DLGAP2: variants seen among roughly 807,000 people sequenced by gnomAD.
DLGAP2 encodes the protein DLG associated protein 2, also known as disks large-associated protein 2.
DLGAP2 carries 26 observed loss-of-function variants against 100.3 expected under a neutral mutation model. The ratio of observed to expected loss-of-function variants is 0.26; its 90% CI spans 0.19 to 0.36. The LOEUF is 0.36. Ranked by LOEUF, DLGAP2 falls within the 10% of genes least tolerant of loss-of-function variation. DLGAP2 has a pLI of 1.00. For missense variants in DLGAP2, 1,858 were observed against 1,453.2 expected, an observed-to-expected ratio of 1.28 and a Z score of -4.53; for synonymous variants, 886 against 630.1, an observed-to-expected ratio of 1.41 and a Z score of -6.08.
chr8:1,555,089 T>A (rs367688732), intron 5 of DLGAP2, among the ~76,000 whole-genome samples: 2 of 151,984 alleles, frequency 1.3e-5, no homozygotes, highest in East Asian at 1.9e-4. Flanking sequence ...TCTGGGGCCG[T>A]GAATGGATAG....
intron 1 of DLGAP2, among the ~76,000 whole-genome samples, chr8:893,356 G>T (rs147682280): frequency 3.3e-4 from 51 of 152,320 alleles, no homozygotes; most frequent in African/African-American, 1.2e-3. Flanking sequence ...TTTTGACCCT[G>T]CCAGGATGAC....
intron 8 of DLGAP2, among the ~76,000 whole-genome samples, chr8:1,666,820 G>T (rs1186666145): frequency 6.6e-6 from 1 of 152,180 alleles, no homozygotes; most frequent in African/African-American, 2.4e-5. Context: ...AGTGGATTAG[G>T]AAAATCCACT....
chr8:1,547,274 AGCTGTGCCCGCAGGGAGCT>A (rs1217682305), intron 4 of DLGAP2, among the ~76,000 whole-genome samples: 4 of 152,166 alleles, frequency 2.6e-5, no homozygotes, highest in Admixed American at 2.6e-4. Flanking sequence ...CAAGGAAGGC[AGCTGTGCCCGCAGGGAGCT>A]TGCTGTCCTA....
intron 3 of DLGAP2, among the ~76,000 whole-genome samples, chr8:1,389,964 A>C (rs1796311085): frequency 6.6e-6 from 1 of 152,020 alleles, no homozygotes; most frequent in African/African-American, 2.4e-5. Context: ...TCTCCCTCAC[A>C]CGTGAACAGG....
intron 3 of DLGAP2, among the ~76,000 whole-genome samples, chr8:1,414,428 G>A (rs368720377): frequency 5.9e-5 from 9 of 152,304 alleles, no homozygotes; most frequent in East Asian, 1.9e-4. Context: ...CCATGGAGCC[G>A]GTCAAGTGTG....
At chr8:1,256,185 T>A (rs1163078398) in intron 2 of DLGAP2, among the ~76,000 whole-genome samples, 1 of 127,800 alleles carries the variant, frequency 7.8e-6, no homozygotes, top group African/African-American at 3.0e-5. Flanking sequence ...CCTGCCTGGG[T>A]GCTGTGTGTG....
intron 1 of DLGAP2, among the ~76,000 whole-genome samples, chr8:767,185 T>C (rs1821235788): frequency 6.6e-6 from 1 of 152,094 alleles, no homozygotes; most frequent in East Asian, 1.9e-4. Flanking sequence ...CGCTTCTTCC[T>C]GGATCCTTGT....
In DLGAP2 at chr8:1,549,197, C is replaced by T. The variant is rs768312641; in HGVS notation, c.744C>T (p.Gly248=). The stretch of plus-strand genomic sequence containing the variant: ...TCACCAAGTCGCACTCGCTGGAGGG[C>T]TCCTCCAAAAGCAACGCCAACGGCA... ...KLFTKSHSLE[G]SSKSNANGTK... The change falls in exon 5 of 15, where the codon GGC becomes GGT. Residue 248 remains glycine, a synonymous_variant. Coordinates refer to ENST00000637795, the MANE Select transcript of DLGAP2 (RefSeq NM_001346810.2). 6.9e-6 allele frequency: 11 copies of T among 1,600,950 alleles called. No individual in the cohort carries two copies. Among genetic ancestry groups the T allele is most frequent in the South Asian group, 3.3e-5 (3 of 89,568 alleles).
chr8:1,202,968 G>A (rs1339076353), intron 2 of DLGAP2, among the ~76,000 whole-genome samples: 3 of 152,136 alleles, frequency 2.0e-5, no homozygotes, highest in African/African-American at 7.2e-5. Context: ...GCGACATCAC[G>A]GTTTCCGTGT....
intron 1 of DLGAP2, among the ~76,000 whole-genome samples, chr8:859,753 G>C (rs182486961): frequency 3.3e-5 from 5 of 152,160 alleles, no homozygotes; most frequent in Non-Finnish European, 5.9e-5. Flanking sequence ...TTTTTCTCCA[G>C]GGCCTTGGTT....
At chr8:1,043,562 G>C (rs1802434261) in intron 2 of DLGAP2, among the ~76,000 whole-genome samples, 1 of 152,020 alleles carries the variant, frequency 6.6e-6, no homozygotes, top group Admixed American at 6.6e-5. Flanking sequence ...AGGTGGCTGA[G>C]AGACCCCTGT....
chr8:1,357,545 C>T (rs1032454249), intron 3 of DLGAP2, among the ~76,000 whole-genome samples: 5 of 152,064 alleles, frequency 3.3e-5, no homozygotes, highest in East Asian at 1.9e-4. Flanking sequence ...AAATATTTCC[C>T]GCCTCACAGG....
rs541240051 is a variant in DLGAP2 at position 1,428,430 on chromosome 8, G to A, written c.107-72936G>A. 1.8e-3 allele frequency among the ~76,000 whole-genome samples: 277 copies of A among 152,210 alleles called. 1 individual carries two copies. The highest frequency in any genetic ancestry group is 6.3e-3 in the African/African-American group (262 of 41,526). ...TCTCTTTCCTTGAGAGAGAGAGAGAGAAAGAGTGAGTGAGTATGTGCCAGG... is the reference window on the plus strand; with the variant it reads ...TCTCTTTCCTTGAGAGAGAGAGAGAAAAAGAGTGAGTGAGTATGTGCCAGG... On this transcript the variant is annotated intron_variant, in intron 3 of 14. Transcript: ENST00000637795.
rs549389038 is a variant in DLGAP2 at position 1,665,275 on chromosome 8, C to T, written c.1811-3054C>T. Reference sequence around the variant, plus strand: ...TGAGGTCTGTGATTTTGAACAGTGGCGACAGACCTTTGAGAGTAACTATGA... The same window carrying T: ...TGAGGTCTGTGATTTTGAACAGTGGTGACAGACCTTTGAGAGTAACTATGA... On this transcript the variant is annotated intron_variant, in intron 8 of 14. Transcript: ENST00000637795. Among the ~76,000 whole-genome samples, 16 of 152,174 alleles carry T rather than the reference C, an allele frequency of 1.1e-4. No individual in the cohort carries two copies. The East Asian group carries it at 1.2e-3, about 11-fold the overall frequency.
intron 4 of DLGAP2, among the ~76,000 whole-genome samples, chr8:1,507,235 G>A (rs747416205): frequency 8.5e-5 from 13 of 152,222 alleles, no homozygotes; most frequent in African/African-American, 2.4e-4. Flanking sequence ...GGCTTGGGCC[G>A]CGCGGGAGCC....
intron 3 of DLGAP2, among the ~76,000 whole-genome samples, chr8:1,345,229 G>A (rs13264594): frequency 1.2e-3 from 79 of 64,386 alleles, no homozygotes; most frequent in East Asian, 4.3e-3. Flanking sequence ...TCTGCTGAAG[G>A]TGCAGGCTCA....
At chr8:1,093,876 A>G (rs984768976) in intron 2 of DLGAP2, among the ~76,000 whole-genome samples, 10 of 152,180 alleles carry the variant, frequency 6.6e-5, no homozygotes, top group Admixed American at 6.5e-4. Flanking sequence ...AAAGGTGACG[A>G]TGGGTGCCAG....
intron 3 of DLGAP2, chr8:1,300,274 C>CACAG (rs1800301777): frequency 6.6e-6 from 1 of 151,602 alleles, no homozygotes; most frequent in Non-Finnish European, 1.5e-5. Context: ...TATACATACA[C>CACAG]ATACACGTGG....
chr8:1,357,101 C>T lies in DLGAP2; in HGVS notation c.106+98218C>T, dbSNP rs181184970. On this transcript the variant is annotated intron_variant, in intron 3 of 14. Transcript: ENST00000637795. ...TCCAATGACATTAAAGCAGATGAGCCACCCAAAACTAATATACAGTGTCTA... is the reference window on the plus strand; with the variant it reads ...TCCAATGACATTAAAGCAGATGAGCTACCCAAAACTAATATACAGTGTCTA... Among the ~76,000 whole-genome samples, 189 of 152,192 alleles carry T rather than the reference C, an allele frequency of 1.2e-3. 1 individual carries two copies. The highest frequency in any genetic ancestry group is 4.4e-3 in the African/African-American group (183 of 41,542).
Sources: gnomAD v4.1 joint callset for allele counts (sites outside exome capture counted in the v4.1 genomes callset) on GRCh38, gnomAD v4.1.1 for gene constraint, MANE v1.5 for transcripts, NCBI Gene and HGNC (gene_info 2026-07-23, HGNC 2026-07-21) for gene names.